Variants in SH3PXD2A observed in about 807,000 individuals in gnomAD.
SH3PXD2A encodes the protein SH3 and PX domain-containing protein 2A.
Under a neutral mutation model 115.2 loss-of-function variants are expected in SH3PXD2A, and 32 were observed. The observed-to-expected ratio is 0.28, with a 90% CI of 0.21 to 0.37. SH3PXD2A has a LOEUF of 0.37. SH3PXD2A is among the 10% of genes least tolerant of loss of function. SH3PXD2A has a pLI of 1.00. For synonymous variants in SH3PXD2A, 610 were observed against 629.1 expected (o/e 0.97, Z 0.45); for missense variants, 1,328 against 1,498.7 (o/e 0.89, Z 1.88).
intron 3 of SH3PXD2A, among the ~76,000 whole-genome samples, chr10:103,736,257 G>A (rs1030134247): frequency 1.3e-5 from 2 of 152,244 alleles, no homozygotes; most frequent in Non-Finnish European, 2.9e-5. Context: ...CTTAGTTTAG[G>A]TGGGTGGCTC....
At chr10:103,606,015 G>T in intron 13 of SH3PXD2A, 98 bp from the exon 14 acceptor site, 2 of 1,287,552 alleles carry the variant, frequency 1.6e-6, no homozygotes, top group Non-Finnish European at 2.2e-6. Context: ...GGGTGCGGAT[G>T]GCCGTTTACA....
chr10:103,622,656 A>C, intron 9 of SH3PXD2A, 103 bp from the exon 10 acceptor site: 1 of 442,088 alleles, frequency 2.3e-6, no homozygotes, highest in East Asian at 5.5e-5. Context: ...GGGCACAGGG[A>C]GGGGAGGCCC....
At chr10:103,732,068 C>G (rs941602661) in intron 4 of SH3PXD2A, among the ~76,000 whole-genome samples, 1 of 152,210 alleles carries the variant, frequency 6.6e-6, no homozygotes, top group Non-Finnish European at 1.5e-5. Context: ...GTCGTACCAA[C>G]CAGGAAGTGG....
At chr10:103,640,172 A>G (rs2036932878) in intron 8 of SH3PXD2A, among the ~76,000 whole-genome samples, 1 of 152,094 alleles carries the variant, frequency 6.6e-6, no homozygotes, top group Non-Finnish European at 1.5e-5. Flanking sequence ...AAAATTAGCC[A>G]GGTGTAGTGG....
At chr10:103,700,428 C>T (rs2134140824) in intron 5 of SH3PXD2A, among the ~76,000 whole-genome samples, 1 of 152,260 alleles carries the variant, frequency 6.6e-6, no homozygotes, top group Non-Finnish European at 1.5e-5. Flanking sequence ...TGGATGGTGG[C>T]CGCAATGCAG....
chr10:103,785,655 T>C (rs910409873), intron 2 of SH3PXD2A, among the ~76,000 whole-genome samples: 1 of 152,074 alleles, frequency 6.6e-6, no homozygotes, highest in Admixed American at 6.5e-5. Flanking sequence ...AAGGCGCGTC[T>C]GTACGTGAGC....
At chr10:103,623,364 G>A (rs192551615) in intron 9 of SH3PXD2A, among the ~76,000 whole-genome samples, 174 of 152,168 alleles carry the variant, frequency 1.1e-3, no homozygotes, top group Middle Eastern at 3.4e-3. Context: ...TGAGCCCCCT[G>A]CACCCTCTGC....
intron 1 of SH3PXD2A, among the ~76,000 whole-genome samples, chr10:103,818,943 T>C (rs1053899749): frequency 2.0e-5 from 3 of 152,188 alleles, no homozygotes; most frequent in African/African-American, 7.2e-5. Context: ...TGCCTGACCG[T>C]TCCCCCAACC....
In SH3PXD2A at chr10:103,602,059, T is replaced by G. The variant is rs4918031; in HGVS notation, c.3159A>C (p.Ile1053=). 0.78 allele frequency: 1,258,790 copies of G among 1,604,300 alleles called. 496,656 individuals carry two copies. Among genetic ancestry groups the G allele is most frequent in the East Asian group, 1 (44,731 of 44,774 alleles). The change falls in exon 15 of 15, where the codon ATA becomes ATC. Residue 1053 remains isoleucine, a synonymous_variant. Coordinates refer to ENST00000369774, the MANE Select transcript of SH3PXD2A (RefSeq NM_001394015.1). ...GCTTGGGGCGCACAGGGGACACGGG[T>G]ATGCTGTTGCGCTGGGCGGGCAGTA... ...SPLLPAQRNS[I]PVSPVRPKPI...
chr10:103,828,057 C>T (rs563103202), intron 1 of SH3PXD2A, among the ~76,000 whole-genome samples: 5 of 152,278 alleles, frequency 3.3e-5, no homozygotes, highest in South Asian at 2.1e-4. Context: ...GGGCCTGGCA[C>T]GGCAGGCAGG....
At chr10:103,699,024 GA>G (rs1297505873) in intron 5 of SH3PXD2A, among the ~76,000 whole-genome samples, 17 of 152,170 alleles carry the variant, frequency 1.1e-4, no homozygotes, top group African/African-American at 3.6e-4. Context: ...GTCTGGCTGT[GA>G]AATCCAGAAG....
intron 2 of SH3PXD2A, among the ~76,000 whole-genome samples, chr10:103,786,915 G>A (rs1281847770): frequency 6.6e-6 from 1 of 152,126 alleles, no homozygotes; most frequent in Non-Finnish European, 1.5e-5. Context: ...CTTCCTTCTT[G>A]CCCTTCCTGA....
At chr10:103,607,516 C>A (rs1393146872) in intron 13 of SH3PXD2A, among the ~76,000 whole-genome samples, 1 of 148,804 alleles carries the variant, frequency 6.7e-6, no homozygotes, top group African/African-American at 2.5e-5. Context: ...CCGCCCCGTC[C>A]GGGAGGGAGG....
intron 11 of SH3PXD2A, among the ~76,000 whole-genome samples, chr10:103,615,589 G>A (rs2036506616): frequency 6.6e-6 from 1 of 150,688 alleles, no homozygotes; most frequent in Non-Finnish European, 1.5e-5. Flanking sequence ...AGCCTGGAAT[G>A]TTGGGAAATG....
intron 5 of SH3PXD2A, among the ~76,000 whole-genome samples, chr10:103,723,152 C>T (rs2038202440): frequency 6.6e-6 from 1 of 152,136 alleles, no homozygotes; most frequent in Non-Finnish European, 1.5e-5. Context: ...TCACCAGGTT[C>T]CCCCTGCCTC....
intron 4 of SH3PXD2A, among the ~76,000 whole-genome samples, chr10:103,727,822 TTCAGGCTGACAAGAGGCTC>T (rs1397467016): frequency 2.6e-5 from 4 of 152,302 alleles, no homozygotes; most frequent in Admixed American, 6.5e-5. Flanking sequence ...TCGTCCTGAT[TTCAGGCTGACAAGAGGCTC>T]TCAGCCCAGA....
intron 5 of SH3PXD2A, among the ~76,000 whole-genome samples, chr10:103,719,681 T>C (rs1373378539): frequency 6.6e-6 from 1 of 152,074 alleles, no homozygotes; most frequent in Non-Finnish European, 1.5e-5. Flanking sequence ...CAGAGTACCT[T>C]CTTACACTAG....
rs116461153 is a variant in SH3PXD2A at position 103,720,187 on chromosome 10, T to C, written c.398+4083A>G. Among the ~76,000 whole-genome samples the C allele has an allele frequency of 7.2e-3, 1,091 of 152,348 alleles. 20 individuals carry two copies. Among genetic ancestry groups the C allele is most frequent in the African/African-American group, 0.025 (1,021 of 41,578 alleles). ...GGCAGAAGGGGCAAATGCTGTGTCCTCACATGATGGAAGGGGCAAGGGCCT... is the reference window on the plus strand; with the variant it reads ...GGCAGAAGGGGCAAATGCTGTGTCCCCACATGATGGAAGGGGCAAGGGCCT... On this transcript the variant is annotated intron_variant, in intron 5 of 14. Coordinates refer to ENST00000369774, the MANE Select transcript of SH3PXD2A (RefSeq NM_001394015.1).
At chr10:103,621,075 G>C (rs1274094545) in intron 10 of SH3PXD2A, among the ~76,000 whole-genome samples, 3 of 152,194 alleles carry the variant, frequency 2.0e-5, no homozygotes, top group African/African-American at 7.2e-5. Flanking sequence ...GCCTGGGACT[G>C]TGGATATGTG....
Sources: allele counts gnomAD v4.1 joint callset (sites outside exome capture counted in the v4.1 genomes callset), GRCh38; gene constraint gnomAD v4.1.1; transcripts MANE v1.5; gene names NCBI Gene and HGNC (gene_info 2026-07-23, HGNC 2026-07-21).